The following PTPRG variants were observed in gnomAD, a reference collection of about 807,000 sequenced individuals.
PTPRG encodes receptor-type tyrosine-protein phosphatase gamma.
A neutral mutation model predicts 165.3 loss-of-function variants in PTPRG; 102 were observed. The ratio of observed to expected loss-of-function variants is 0.62; its 90% CI spans 0.53 to 0.73. The LOEUF (loss-of-function observed/expected upper bound fraction) is 0.73, where lower values mean the gene tolerates loss of function less well. PTPRG is among the 30% of genes least tolerant of loss of function. PTPRG has a pLI of 0.00. For missense variants in PTPRG, 1,866 were observed against 1,861.4 expected, an observed-to-expected ratio of 1.00 and a Z score of -0.05; for synonymous variants, 675 against 669.5, an observed-to-expected ratio of 1.01 and a Z score of -0.13.
At chr3:61,763,768 T>C (rs1041427126) in intron 2 of PTPRG, among the ~76,000 whole-genome samples, 1 of 152,154 alleles carries the variant, frequency 6.6e-6, no homozygotes, top group Non-Finnish European at 1.5e-5. Flanking sequence ...AAATTTGATT[T>C]CAAAAGCCTG....
chr3:61,614,418 C>CT (rs550755163), intron 1 of PTPRG, among the ~76,000 whole-genome samples: 16,411 of 117,400 alleles, frequency 0.14, 1,624 homozygotes, highest in African/African-American at 0.22. Flanking sequence ...TTAATAATAC[C>CT]TTTTTTTTTT....
chr3:61,905,785 T>A (rs2038632305), intron 2 of PTPRG, among the ~76,000 whole-genome samples: 1 of 152,130 alleles, frequency 6.6e-6, no homozygotes, highest in African/African-American at 2.4e-5. Flanking sequence ...TTCAACTGAG[T>A]CAAAAATAAA....
chr3:62,292,608 A>G, intron 29 of PTPRG, 52 bp downstream of exon 29: 3 of 1,588,402 alleles, frequency 1.9e-6, no homozygotes, highest in Middle Eastern at 1.7e-4. Context: ...TGAAACTCAG[A>G]CTCACAGTTT....
intron 1 of PTPRG, among the ~76,000 whole-genome samples, chr3:61,732,058 C>A (rs1400925666): frequency 4.6e-5 from 7 of 152,104 alleles, no homozygotes; most frequent in Non-Finnish European, 1.5e-5. Flanking sequence ...CCTGCCTTGG[C>A]ATCCCAAAGT....
chr3:61,599,428 A>G (rs975446984), intron 1 of PTPRG, among the ~76,000 whole-genome samples: 4 of 152,150 alleles, frequency 2.6e-5, no homozygotes, highest in African/African-American at 9.6e-5. Context: ...GATTACAGGC[A>G]TGACCCATTG....
At chr3:61,708,227 A>T (rs1452643272) in intron 1 of PTPRG, among the ~76,000 whole-genome samples, 1 of 152,034 alleles carries the variant, frequency 6.6e-6, no homozygotes, top group Admixed American at 6.6e-5. Flanking sequence ...TTAAAAAAAT[A>T]TTGAGTCACT....
chr3:61,972,702 G>T (rs2040412172), intron 2 of PTPRG, among the ~76,000 whole-genome samples: 1 of 150,896 alleles, frequency 6.6e-6, no homozygotes, highest in South Asian at 2.1e-4. Flanking sequence ...GCCCAGGGTG[G>T]GGTACAGTCG....
chr3:62,080,894 G>T (rs1246272501), intron 5 of PTPRG, among the ~76,000 whole-genome samples: 1 of 152,154 alleles, frequency 6.6e-6, no homozygotes, highest in African/African-American at 2.4e-5. Context: ...CACTTCATTT[G>T]TTAGGTCCTT....
At chr3:61,840,474 G>C (rs1011575396) in intron 2 of PTPRG, among the ~76,000 whole-genome samples, 4 of 152,164 alleles carry the variant, frequency 2.6e-5, no homozygotes, top group Non-Finnish European at 5.9e-5. Context: ...CTATTAAAGT[G>C]ATTTAATAAG....
intron 16 of PTPRG, among the ~76,000 whole-genome samples, chr3:62,257,726 G>A (rs761844219): frequency 1.3e-5 from 2 of 152,146 alleles, no homozygotes; most frequent in Non-Finnish European, 2.9e-5. Flanking sequence ...AGAACAAGGT[G>A]GGAGGATCGC....
chr3:61,775,820 C>T (rs929877559), intron 2 of PTPRG, among the ~76,000 whole-genome samples: 2 of 151,438 alleles, frequency 1.3e-5, no homozygotes, highest in Non-Finnish European at 2.9e-5. Flanking sequence ...AGCAAACTAT[C>T]GCAAGGACAA....
At chr3:61,848,715 C>T (rs982231778) in intron 2 of PTPRG, among the ~76,000 whole-genome samples, 5 of 152,112 alleles carry the variant, frequency 3.3e-5, no homozygotes, top group South Asian at 2.1e-4. Flanking sequence ...TATCTTGAGT[C>T]GTCTTTATGC....
At chr3:61,993,367 G>A (rs1032300474) in intron 3 of PTPRG, among the ~76,000 whole-genome samples, 7 of 151,986 alleles carry the variant, frequency 4.6e-5, no homozygotes, top group Non-Finnish European at 5.9e-5. Flanking sequence ...ACAGGCATGC[G>A]CCACCACACC....
At position 62,231,262 on chromosome 3, in the gene PTPRG, C is replaced by A. The variant is rs141787038; in HGVS notation, c.2326C>A (p.Arg776Ser). 1 of 1,593,718 alleles carries A rather than the reference C, an allele frequency of 6.3e-7. No homozygotes were observed. Among genetic ancestry groups the A allele is most frequent in the Non-Finnish European group, 8.5e-7 (1 of 1,169,626 alleles). Reference sequence around the variant, plus strand: ...AATAAAGTCCAAGGGCTTTCCCAGACGTTTCCGTGAAGTGCCTTCTTCTGG... The same window carrying A: ...AATAAAGTCCAAGGGCTTTCCCAGAAGTTTCCGTGAAGTGCCTTCTTCTGG... The part of the protein sequence containing the change: ...NKIKSKGFPR[R>S]FREVPSSGER... The change falls in exon 14 of 30, where the codon CGT (arginine) becomes AGT (serine). Residue 776 changes from arginine to serine, a missense_variant. Physicochemically the swap from Arg to Ser is moderately radical, Grantham distance 110 (BLOSUM62 -1). Coordinates refer to ENST00000474889, the MANE Select transcript of PTPRG (RefSeq NM_002841.4).
At chr3:61,689,361 T>C (rs891593031) in intron 1 of PTPRG, among the ~76,000 whole-genome samples, 1 of 152,192 alleles carries the variant, frequency 6.6e-6, no homozygotes, top group African/African-American at 2.4e-5. Context: ...GCAAAAAGTC[T>C]AGAAGAATTT....
intron 6 of PTPRG, among the ~76,000 whole-genome samples, chr3:62,146,631 T>TAAC (rs1704133585): frequency 6.8e-6 from 1 of 146,196 alleles, no homozygotes; most frequent in East Asian, 2.0e-4. Flanking sequence ...CTGTTGCTTT[T>TAAC]AAAAAAAAAA....
intron 5 of PTPRG, among the ~76,000 whole-genome samples, chr3:62,098,528 C>T (rs1702188637): frequency 6.6e-6 from 1 of 151,980 alleles, no homozygotes; most frequent in Non-Finnish European, 1.5e-5. Flanking sequence ...TTTATCCCAC[C>T]CTCCACCTTG....
intron 2 of PTPRG, among the ~76,000 whole-genome samples, chr3:61,902,147 T>C (rs998584530): frequency 2.0e-5 from 3 of 152,214 alleles, no homozygotes; most frequent in African/African-American, 7.2e-5. Flanking sequence ...ATATGCAGAC[T>C]GTTAGCCTGC....
chr3:61,610,378 T>C (rs993135774), intron 1 of PTPRG, among the ~76,000 whole-genome samples: 1 of 152,156 alleles, frequency 6.6e-6, no homozygotes, highest in Non-Finnish European at 1.5e-5. Flanking sequence ...CCAAATCATT[T>C]GGTAGATGTA....
Sources: allele counts gnomAD v4.1 joint callset (sites outside exome capture counted in the v4.1 genomes callset), GRCh38; gene constraint gnomAD v4.1.1; transcripts MANE v1.5; gene names NCBI Gene and HGNC (gene_info 2026-07-23, HGNC 2026-07-21).